The following PTPRD variants were observed in gnomAD, a reference collection of about 807,000 sequenced individuals.
The protein encoded by PTPRD is receptor-type tyrosine-protein phosphatase delta.
A neutral mutation model predicts 214.5 loss-of-function variants in PTPRD; 34 were observed. The ratio of observed to expected loss-of-function variants is 0.16; its 90% confidence interval spans 0.12 to 0.21. The LOEUF (loss-of-function observed/expected upper bound fraction) is 0.21, where lower values mean the gene tolerates loss of function less well. Among genes scored for constraint, PTPRD ranks in the 10% least tolerant of loss-of-function variants. The pLI is 1.00. For missense variants in PTPRD, 2,545 were observed against 2,398.7 expected (o/e 1.06, Z -1.27); for synonymous variants, 1,128 against 845.7 (o/e 1.33, Z -5.79).
chr9:9,038,785 G>A (rs2099630254), intron 10 of PTPRD, among the ~76,000 whole-genome samples: 1 of 152,008 alleles, frequency 6.6e-6, no homozygotes, highest in Admixed American at 6.6e-5. Flanking sequence ...TTGAACTCCT[G>A]ACCTCAAGTG....
intron 11 of PTPRD, among the ~76,000 whole-genome samples, chr9:8,933,340 G>GTTTTTTTTTTGT (rs2098966759): frequency 1.2e-5 from 1 of 80,430 alleles, no homozygotes; most frequent in Non-Finnish European, 2.3e-5. Flanking sequence ...CAACCTTGAG[G>GTTTTTTTTTTGT]TTTTTTTTTT....
chr9:10,539,644 T>C (rs1350478923), intron 2 of PTPRD, among the ~76,000 whole-genome samples: 1 of 152,176 alleles, frequency 6.6e-6, no homozygotes, highest in African/African-American at 2.4e-5. Context: ...AAGTTTAAAC[T>C]ACATAAAAGC....
chr9:10,433,889 AT>A (rs2098699765), intron 2 of PTPRD, among the ~76,000 whole-genome samples: 1 of 151,896 alleles, frequency 6.6e-6, no homozygotes, highest in Non-Finnish European at 1.5e-5. Flanking sequence ...ATTGATCAGA[AT>A]ACTGTATTTT....
intron 5 of PTPRD, among the ~76,000 whole-genome samples, chr9:9,770,044 T>C (rs186697059): frequency 6.6e-6 from 1 of 152,342 alleles, no homozygotes; most frequent in East Asian, 1.9e-4. Context: ...GTCTTTGCTA[T>C]TGTGAACAGT....
intron 3 of PTPRD, among the ~76,000 whole-genome samples, chr9:10,338,424 T>C (rs2096881465): frequency 6.6e-6 from 1 of 151,782 alleles, no homozygotes; most frequent in African/African-American, 2.4e-5. Flanking sequence ...ACAAAAGACC[T>C]GTCAGTTACA....
chr9:8,332,691 G>A (rs1842666416), intron 43 of PTPRD, among the ~76,000 whole-genome samples: 1 of 152,006 alleles, frequency 6.6e-6, no homozygotes. Context: ...GGTGTTTCTA[G>A]AAGTACAAGA....
At chr9:9,330,290 C>A (rs576219758) in intron 9 of PTPRD, among the ~76,000 whole-genome samples, 3 of 152,030 alleles carry the variant, frequency 2.0e-5, no homozygotes, top group Non-Finnish European at 4.4e-5. Flanking sequence ...AAATGACTTT[C>A]CTTTAAAAAA....
At chr9:8,590,364 G>C (rs2094004262) in intron 14 of PTPRD, among the ~76,000 whole-genome samples, 2 of 152,108 alleles carry the variant, frequency 1.3e-5, no homozygotes, top group Non-Finnish European at 2.9e-5. Context: ...ATTTTATTTG[G>C]AGAACGCTGC....
intron 3 of PTPRD, among the ~76,000 whole-genome samples, chr9:10,133,494 G>T (rs540443923): frequency 2.6e-5 from 4 of 151,954 alleles, no homozygotes; most frequent in Non-Finnish European, 5.9e-5. Context: ...ATACCTGTAC[G>T]TTATATATAA....
intron 9 of PTPRD, among the ~76,000 whole-genome samples, chr9:9,209,069 A>G (rs974026136): frequency 7.2e-5 from 11 of 152,200 alleles, no homozygotes; most frequent in Middle Eastern, 6.8e-3. Flanking sequence ...TGGCCTCCCA[A>G]AGTGCTGGAA....
intron 7 of PTPRD, among the ~76,000 whole-genome samples, chr9:9,702,301 G>C (rs376970621): frequency 1.3e-5 from 2 of 152,166 alleles, no homozygotes; most frequent in Non-Finnish European, 2.9e-5. Context: ...TTTACAATTA[G>C]AGAATTGGTA....
At chr9:8,951,470 A>G (rs1172197884) in intron 11 of PTPRD, among the ~76,000 whole-genome samples, 1 of 151,910 alleles carries the variant, frequency 6.6e-6, no homozygotes, top group East Asian at 1.9e-4. Flanking sequence ...TGAACTTTCT[A>G]CTGAAATCTA....
intron 9 of PTPRD, among the ~76,000 whole-genome samples, chr9:9,218,726 G>A (rs1024754663): frequency 1.3e-5 from 2 of 152,084 alleles, no homozygotes; most frequent in African/African-American, 4.8e-5. Flanking sequence ...GTGTGTGGTA[G>A]TGTTATCAGC....
intron 10 of PTPRD, among the ~76,000 whole-genome samples, chr9:9,152,787 G>T (rs78602179): frequency 3.5e-3 from 528 of 152,288 alleles, no homozygotes; most frequent in African/African-American, 0.012. Context: ...TCTGGCTGTT[G>T]AGTAGACTTT....
intron 11 of PTPRD, among the ~76,000 whole-genome samples, chr9:8,833,687 C>CCTCT (rs146738870): frequency 0.2 from 25,357 of 123,870 alleles, 2,758 homozygotes; most frequent in African/African-American, 0.3. Context: ...AAAACTCTCT[C>CCTCT]CTCTCTCTCT....
chr9:9,433,229 T>A (rs1028902764), intron 8 of PTPRD, among the ~76,000 whole-genome samples: 79 of 152,318 alleles, frequency 5.2e-4, no homozygotes, highest in African/African-American at 1.8e-3. Flanking sequence ...GAGATGCCGA[T>A]ACACTTAAAA....
At chr9:8,972,957 T>G (rs1440546318) in intron 11 of PTPRD, among the ~76,000 whole-genome samples, 5 of 151,754 alleles carry the variant, frequency 3.3e-5, no homozygotes. Context: ...AATTTAAGTT[T>G]CTTTCTGCTT....
chr9:9,978,789 A>G (rs542163636), intron 4 of PTPRD, among the ~76,000 whole-genome samples: 145 of 152,190 alleles, frequency 9.5e-4, no homozygotes, highest in Non-Finnish European at 1.5e-3. Flanking sequence ...CACAAAATAA[A>G]CACAGATCGA....
intron 14 of PTPRD, among the ~76,000 whole-genome samples, chr9:8,578,402 T>C (rs2092697845): frequency 8.2e-6 from 1 of 121,396 alleles, no homozygotes. Flanking sequence ...AGTTTAATGT[T>C]TGCCCTTCAT....
Sources: allele counts gnomAD v4.1 joint callset (sites outside exome capture counted in the v4.1 genomes callset), GRCh38; gene constraint gnomAD v4.1.1; transcripts MANE v1.5; gene names NCBI Gene and HGNC (gene_info 2026-07-23, HGNC 2026-07-21).